The following DCAF10 variants were observed in gnomAD, a reference collection of about 807,000 sequenced individuals.
DCAF10 encodes DDB1- and CUL4-associated factor 10.
In DCAF10, 19 loss-of-function variants were observed where a neutral mutation model predicts 51.9. The ratio of observed to expected loss-of-function variants is 0.37; its 90% CI spans 0.26 to 0.54. The LOEUF is 0.54. Among genes scored for constraint, DCAF10 ranks in the 20% least tolerant of loss-of-function variants. The probability of loss-of-function intolerance (pLI) is 0.87; values close to 1 mark genes in which losing one functional copy is unlikely to be tolerated. For synonymous variants in DCAF10, 291 were observed against 297.1 expected (o/e 0.98, Z 0.21); for missense variants, 510 against 730.6 (o/e 0.70, Z 3.48).
At chr9:37,836,340 C>T in intron 2 of DCAF10, 3 of 1,610,800 alleles carry the variant, frequency 1.9e-6, no homozygotes, top group Non-Finnish European at 1.7e-6. Flanking sequence ...GTTACCAGAA[C>T]ACATCAAGGA....
chr9:37,805,443 C>T (rs922320860), intron 1 of DCAF10, among the ~76,000 whole-genome samples: 1 of 152,146 alleles, frequency 6.6e-6, no homozygotes, highest in African/African-American at 2.4e-5. Context: ...GAGATCACAT[C>T]ACTGCACTCC....
At chr9:37,847,894 A>G (rs187491399) in intron 3 of DCAF10, among the ~76,000 whole-genome samples, 1 of 152,364 alleles carries the variant, frequency 6.6e-6, no homozygotes, top group Non-Finnish European at 1.5e-5. Flanking sequence ...AATTCACAAT[A>G]GCATCAAAAA....
chr9:37,819,689 C>T (rs1829647080), intron 2 of DCAF10, among the ~76,000 whole-genome samples: 1 of 152,128 alleles, frequency 6.6e-6, no homozygotes, highest in Admixed American at 6.6e-5. Context: ...TATGCTAGTC[C>T]TGTAATGCCT....
At chr9:37,841,688 T>C (rs1368865912) in intron 2 of DCAF10, among the ~76,000 whole-genome samples, 2 of 152,218 alleles carry the variant, frequency 1.3e-5, no homozygotes, top group African/African-American at 2.4e-5. Context: ...TGATTATGTG[T>C]AATGTGTCCC....
At chr9:37,802,904 T>C (rs1829002094) in intron 1 of DCAF10, among the ~76,000 whole-genome samples, 1 of 152,202 alleles carries the variant, frequency 6.6e-6, no homozygotes, top group South Asian at 2.1e-4. Context: ...AGTTTCTCTC[T>C]TCATATCCCG....
intron 3 of DCAF10, among the ~76,000 whole-genome samples, chr9:37,847,404 C>T (rs547845433): frequency 1.7e-4 from 25 of 150,140 alleles, no homozygotes; most frequent in African/African-American, 5.9e-4. Context: ...CCCAGGAATA[C>T]AGGGTTGGTT....
In DCAF10 at chr9:37,801,343, C is replaced by A; in HGVS notation, c.477C>A (p.Asp159Glu). Reference protein sequence around the residue: ...TSLYGSIHPADSVYLSTRTHG... With the variant: ...TSLYGSIHPAESVYLSTRTHG... ...TCTACGGTTCCATCCACCCCGCGGA[C>A]TCGGTGTACCTCAGCACCCGCACCC... Residue 159 changes from aspartate to glutamate, a missense_variant, in exon 1 of 7, where the codon GAC (aspartate) becomes GAA (glutamate). Transcript: ENST00000377724. The surrounding 1 kb of genome is among the most constrained non-coding windows in gnomAD (Gnocchi z 5.5). 1 of 1,578,878 alleles carries A rather than the reference C, an allele frequency of 6.3e-7. No individual in the cohort carries two copies. The highest frequency in any genetic ancestry group is 8.6e-7 in the Non-Finnish European group (1 of 1,165,730).
At chr9:37,816,374 A>C (rs1829533551) in intron 1 of DCAF10, among the ~76,000 whole-genome samples, 2 of 152,182 alleles carry the variant, frequency 1.3e-5, no homozygotes, top group South Asian at 2.1e-4. Context: ...GGATCACCTG[A>C]GGTAAGGAGT....
Position 37,861,384 on chromosome 9 carries a change from G to A in DCAF10, c.1556G>A (p.Arg519Gln), listed in dbSNP as rs746299589. The A allele has an allele frequency of 3.7e-6, 6 of 1,614,140 alleles. No individual in the cohort carries two copies. Among genetic ancestry groups the A allele is most frequent in the Admixed American group, 3.3e-5 (2 of 60,004 alleles). ...DCLPKEASPLRVIRSLYSHND... is the reference protein window; with the variant it reads ...DCLPKEASPLQVIRSLYSHND... Reference sequence around the variant, plus strand: ...TTGCCCAAAGAAGCCAGTCCCCTGCGGGTGATCCGTTCTCTGTACTCTCAT... The same window carrying A: ...TTGCCCAAAGAAGCCAGTCCCCTGCAGGTGATCCGTTCTCTGTACTCTCAT... The change falls in exon 7 of 7, where the codon CGG becomes CAG. Residue 519 changes from arginine to glutamine, a missense_variant. Arg to Gln is a conservative substitution (Grantham distance 43). This residue lies in a region of DCAF10 where 104 missense variants were observed against 206.2 expected (regional missense o/e 0.50). Coordinates refer to ENST00000377724, the MANE Select transcript of DCAF10 (RefSeq NM_024345.5). The surrounding 1 kb of genome is among the most constrained non-coding windows in gnomAD (Gnocchi z 4.9).
At position 37,858,875 on chromosome 9, in the gene DCAF10, A is replaced by G. The variant is rs558475894; in HGVS notation, c.1166-1173A>G. Among the ~76,000 whole-genome samples, 5 of 152,322 alleles carry G rather than the reference A, an allele frequency of 3.3e-5. No homozygotes were observed. The East Asian group carries it at 9.6e-4, about 29-fold the overall frequency. ...AAGTAGCTCTGGTTCAAGAAAAATT[A>G]GGGAGGCTCTTGACCCTCCAGCCTT... On this transcript the variant is annotated intron_variant, in intron 5 of 6. Coordinates refer to ENST00000377724, the MANE Select transcript of DCAF10 (RefSeq NM_024345.5).
chr9:37,821,808 G>A (rs1224322475), intron 2 of DCAF10, among the ~76,000 whole-genome samples: 2 of 152,116 alleles, frequency 1.3e-5, no homozygotes, highest in Non-Finnish European at 2.9e-5. Context: ...GAAAGGAACA[G>A]TTGGCAGAAT....
intron 2 of DCAF10, among the ~76,000 whole-genome samples, chr9:37,841,166 G>A (rs117270870): frequency 0.018 from 2,733 of 152,266 alleles, 54 homozygotes; most frequent in Admixed American, 0.051. Flanking sequence ...GCAGGAGGAA[G>A]GTTGTTTCAC....
rs773164393 is a variant in DCAF10 at position 37,854,878 on chromosome 9, C to T, written c.950C>T (p.Thr317Met). ...TPDCSKMLIS[T>M]SSGYLLILHD... ...GATTGTTCCAAAATGTTGATTTCAA[C>T]GTCCTCTGGATATCTCTTAATTTTG... The change falls in exon 4 of 7, where the codon ACG (threonine) becomes ATG (methionine). Residue 317 changes from threonine to methionine, a missense_variant. By Grantham distance (81) the Thr-to-Met change is moderately conservative. This residue lies in a region of DCAF10 where 126 missense variants were observed against 271.5 expected (regional missense o/e 0.46). Transcript: ENST00000377724. 6.2e-7 allele frequency: 1 copy of T among 1,613,906 alleles called. No individual in the cohort carries two copies. The highest frequency in any genetic ancestry group is 8.5e-7 in the Non-Finnish European group (1 of 1,179,970).
chr9:37,853,106 C>T (rs1830733136), intron 3 of DCAF10, among the ~76,000 whole-genome samples: 2 of 140,246 alleles, frequency 1.4e-5, no homozygotes, highest in Admixed American at 7.1e-5. Flanking sequence ...AAGCCAAGAT[C>T]GCGCCATTGC....
In DCAF10 at chr9:37,801,033, G is replaced by GCCCCGGCGCCCCATCGCTGT. The variant is rs781703007; in HGVS notation, c.175_194dup (p.Arg67HisfsTer12). 2.0e-6 allele frequency: 3 copies of GCCCCGGCGCCCCATCGCTGT among 1,537,002 alleles called. No individual in the cohort carries two copies. Among genetic ancestry groups the GCCCCGGCGCCCCATCGCTGT allele is most frequent in the Non-Finnish European group, 1.7e-6 (2 of 1,151,438 alleles). On this transcript the variant is annotated frameshift_variant, in exon 1 of 7. Coordinates refer to ENST00000377724, the MANE Select transcript of DCAF10 (RefSeq NM_024345.5). LOFTEE classifies it high-confidence loss of function. The surrounding 1 kb of genome is among the most constrained non-coding windows in gnomAD (Gnocchi z 5.5). ...CCTCCACCCGCCCGAAGCCCTCGCC[G>GCCCCGGCGCCCCATCGCTGT]CCCCGGCGCCCCATCGCTGTCCCCG...
At chr9:37,806,723 C>T (rs1829125350) in intron 1 of DCAF10, among the ~76,000 whole-genome samples, 1 of 152,148 alleles carries the variant, frequency 6.6e-6, no homozygotes, top group Non-Finnish European at 1.5e-5. Flanking sequence ...GATGCACATC[C>T]TTAGTTTTAT....
At chr9:37,854,199 G>A (rs1279922517) in intron 3 of DCAF10, among the ~76,000 whole-genome samples, 2 of 151,540 alleles carry the variant, frequency 1.3e-5, no homozygotes, top group Non-Finnish European at 1.5e-5. Flanking sequence ...TCCCAGGCTC[G>A]CGTGATCCTC....
intron 3 of DCAF10, among the ~76,000 whole-genome samples, chr9:37,847,253 C>CAAAAAA (rs78089886): frequency 1.2e-3 from 39 of 32,878 alleles, no homozygotes; most frequent in East Asian, 1.6e-3. Flanking sequence ...AACTCCATCT[C>CAAAAAA]AAAAAAAAAA....
chr9:37,832,996 C>G (rs1019636726), intron 2 of DCAF10, among the ~76,000 whole-genome samples: 1 of 152,132 alleles, frequency 6.6e-6, no homozygotes, highest in Non-Finnish European at 1.5e-5. Flanking sequence ...TCAAGCAGTT[C>G]TCCTGCCTCA....
Sources: gnomAD v4.1 joint callset for allele counts (sites outside exome capture counted in the v4.1 genomes callset) on GRCh38, gnomAD v4.1.1 for gene constraint, gnomAD v4.1.1 regional missense constraint, Gnocchi (gnomAD v3.1) non-coding constraint, MANE v1.5 for transcripts, NCBI Gene and HGNC (gene_info 2026-07-23, HGNC 2026-07-21) for gene names.